CHCHD3: variants seen among roughly 807,000 people sequenced by gnomAD.
The protein encoded by CHCHD3 is MICOS complex subunit MIC19.
Under a neutral mutation model 38.2 loss-of-function variants are expected in CHCHD3, and 20 were observed. The ratio of observed to expected loss-of-function variants is 0.52; its 90% confidence interval spans 0.37 to 0.76. The LOEUF is 0.76. Ranked by LOEUF, CHCHD3 falls within the 30% of genes least tolerant of loss-of-function variation. The probability of loss-of-function intolerance (pLI) is 0.00; values close to 1 mark genes in which losing one functional copy is unlikely to be tolerated. For missense variants in CHCHD3, 245 were observed against 279.2 expected (o/e 0.88, Z 0.87); for synonymous variants, 82 against 100.0 (o/e 0.82, Z 1.07).
intron 3 of CHCHD3, among the ~76,000 whole-genome samples, chr7:132,990,511 C>T (rs990070301): frequency 2.6e-5 from 4 of 152,166 alleles, no homozygotes; most frequent in Non-Finnish European, 4.4e-5. Context: ...GAAATGGCTT[C>T]CTCCTGAAGA....
At chr7:132,855,980 T>C (rs955897743) in intron 5 of CHCHD3, among the ~76,000 whole-genome samples, 2 of 152,226 alleles carry the variant, frequency 1.3e-5, no homozygotes, top group Non-Finnish European at 2.9e-5. Flanking sequence ...CATGAAAATC[T>C]GTCCCTGAAA....
At chr7:132,803,701 A>T (rs1806843898) in intron 6 of CHCHD3, among the ~76,000 whole-genome samples, 1 of 151,800 alleles carries the variant, frequency 6.6e-6, no homozygotes, top group South Asian at 2.1e-4. Flanking sequence ...AACTGGGATA[A>T]GTTGAGGAAA....
chr7:133,009,255 T>C (rs1014683788), intron 3 of CHCHD3, among the ~76,000 whole-genome samples: 3 of 149,458 alleles, frequency 2.0e-5, no homozygotes, highest in African/African-American at 7.4e-5. Flanking sequence ...GCCCAGCTAA[T>C]CGGGAGGCTG....
intron 3 of CHCHD3, among the ~76,000 whole-genome samples, chr7:132,979,282 A>T (rs1157994438): frequency 6.6e-6 from 1 of 152,212 alleles, no homozygotes; most frequent in Non-Finnish European, 1.5e-5. Flanking sequence ...CTCGATGGGC[A>T]CATATACTTC....
chr7:132,817,589 G>C (rs997458428), intron 6 of CHCHD3, among the ~76,000 whole-genome samples: 6 of 152,058 alleles, frequency 3.9e-5, no homozygotes, highest in African/African-American at 1.4e-4. Flanking sequence ...GGTTCATGGG[G>C]GAGACTGTGC....
chr7:132,971,610 G>A (rs1811613659), intron 4 of CHCHD3, among the ~76,000 whole-genome samples: 1 of 152,108 alleles, frequency 6.6e-6, no homozygotes, highest in Non-Finnish European at 1.5e-5. Context: ...AGCTGTTAGT[G>A]AGCCAGAAAG....
chr7:133,041,320 T>G (rs1218615358), intron 2 of CHCHD3, among the ~76,000 whole-genome samples: 1 of 152,158 alleles, frequency 6.6e-6, no homozygotes, highest in African/African-American at 2.4e-5. Flanking sequence ...ACACTCAAAT[T>G]TCAAATAACA....
intron 4 of CHCHD3, among the ~76,000 whole-genome samples, chr7:132,894,910 A>G (rs1227842217): frequency 6.6e-6 from 1 of 152,262 alleles, no homozygotes; most frequent in Non-Finnish European, 1.5e-5. Context: ...AGGAGCAATC[A>G]GCAAGTATTC....
intron 5 of CHCHD3, 88 bp from the exon 6 acceptor site, chr7:132,838,557 C>A: frequency 1.0e-6 from 1 of 952,754 alleles, no homozygotes; most frequent in Non-Finnish European, 1.7e-6. Flanking sequence ...CACATAAAAC[C>A]TTGTTTCAGC....
rs139888074 is a variant in CHCHD3 at position 133,043,489 on chromosome 7, A to C, written c.170-18862T>G. Among the ~76,000 whole-genome samples, 288 of 152,184 alleles carry C rather than the reference A, an allele frequency of 1.9e-3. 9 individuals are homozygous for C. The East Asian group carries it at 0.039, about 20-fold the overall frequency. ...AAACTCCGTGTCTACTAAAAATATA[A>C]AAATTAGCTGGGCGTGGTGGTGCAT... is the stretch of plus-strand genomic sequence containing the variant. On this transcript the variant is annotated intron_variant, in intron 2 of 7. Coordinates refer to ENST00000262570, the MANE Select transcript of CHCHD3 (RefSeq NM_017812.4).
chr7:133,052,798 A>C (rs1409045313), intron 2 of CHCHD3, among the ~76,000 whole-genome samples: 1 of 152,200 alleles, frequency 6.6e-6, no homozygotes, highest in East Asian at 1.9e-4. Flanking sequence ...AAAGGAGCCA[A>C]CCTTGACCGC....
intron 4 of CHCHD3, among the ~76,000 whole-genome samples, chr7:132,888,506 A>G (rs1389598323): frequency 6.6e-6 from 1 of 151,936 alleles, no homozygotes; most frequent in Non-Finnish European, 1.5e-5. Context: ...TAAATGTGTG[A>G]ATGTGTGTAT....
At chr7:132,914,121 GGC>G (rs1554387442) in intron 4 of CHCHD3, among the ~76,000 whole-genome samples, 20 of 114,016 alleles carry the variant, frequency 1.8e-4, no homozygotes, top group African/African-American at 5.7e-4. Context: ...CACCATGCCT[GGC>G]GTGTGTGTGT....
chr7:132,916,804 T>G (rs1395480565), intron 4 of CHCHD3, among the ~76,000 whole-genome samples: 1 of 152,110 alleles, frequency 6.6e-6, no homozygotes, highest in African/African-American at 2.4e-5. Flanking sequence ...GGTCTCAAAT[T>G]TCTGGGACTC....
At chr7:132,802,797 A>G (rs936166718) in intron 6 of CHCHD3, among the ~76,000 whole-genome samples, 8 of 152,292 alleles carry the variant, frequency 5.3e-5, no homozygotes, top group East Asian at 1.9e-4. Context: ...AAGGACCCCA[A>G]ATAAACTTCC....
intron 4 of CHCHD3, among the ~76,000 whole-genome samples, chr7:132,912,320 T>C (rs1809972728): frequency 6.6e-6 from 1 of 152,238 alleles, no homozygotes. Context: ...AACTGTTGCC[T>C]GGCCCAAGGT....
At chr7:132,884,656 G>T (rs114446820) in intron 5 of CHCHD3, among the ~76,000 whole-genome samples, 41 of 152,140 alleles carry the variant, frequency 2.7e-4, no homozygotes, top group African/African-American at 9.9e-4. Flanking sequence ...AAATTTGGAG[G>T]GTTTCATTCA....
intron 6 of CHCHD3, among the ~76,000 whole-genome samples, chr7:132,830,289 G>A (rs1305659554): frequency 6.6e-6 from 1 of 152,116 alleles, no homozygotes; most frequent in Non-Finnish European, 1.5e-5. Flanking sequence ...GTGGGAGGTG[G>A]ACAGACAAAC....
At chr7:132,927,743 T>C (rs79745776) in intron 4 of CHCHD3, among the ~76,000 whole-genome samples, 84 of 152,300 alleles carry the variant, frequency 5.5e-4, no homozygotes, top group African/African-American at 2.0e-3. Context: ...TCATAAGCAC[T>C]GGAGGAACAC....
Sources: gnomAD v4.1 joint callset for allele counts (sites outside exome capture counted in the v4.1 genomes callset) on GRCh38, gnomAD v4.1.1 for gene constraint, MANE v1.5 for transcripts, NCBI Gene and HGNC (gene_info 2026-07-23, HGNC 2026-07-21) for gene names.